Variants in FLT1 observed in about 807,000 individuals in gnomAD.
FLT1 encodes fms related receptor tyrosine kinase 1, also known as vascular endothelial growth factor receptor 1.
In FLT1, 49 loss-of-function variants were observed where a neutral mutation model predicts 156.3. The observed-to-expected ratio is 0.31, with a 90% CI of 0.25 to 0.40. FLT1 has a LOEUF of 0.40. FLT1 is among the 10% of genes least tolerant of loss of function. The pLI, the probability that FLT1 is intolerant of heterozygous loss-of-function variation, is 1.00. For missense variants in FLT1, 1,322 were observed against 1,637.2 expected (o/e 0.81, Z 3.32); for synonymous variants, 594 against 583.8 (o/e 1.02, Z -0.25).
chr13:28,332,339 T>G (rs992120428), intron 18 of FLT1, among the ~76,000 whole-genome samples: 9 of 152,148 alleles, frequency 5.9e-5, no homozygotes, highest in African/African-American at 1.9e-4. Flanking sequence ...CTTGCTGTAT[T>G]TATAGGCAGG....
At chr13:28,488,646 A>G (rs1593851853) in intron 1 of FLT1, among the ~76,000 whole-genome samples, 1 of 152,116 alleles carries the variant, frequency 6.6e-6, no homozygotes, top group South Asian at 2.1e-4. Flanking sequence ...GGGTGAGGAT[A>G]GGGAGGCACC....
chr13:28,342,970 T>TC (rs879279415), intron 16 of FLT1, among the ~76,000 whole-genome samples: 3 of 98,042 alleles, frequency 3.1e-5, no homozygotes, highest in South Asian at 3.3e-4. Context: ...CTCTCTCTCT[T>TC]TCTTTCTTTC....
intron 1 of FLT1, among the ~76,000 whole-genome samples, chr13:28,469,839 T>C (rs1469342476): frequency 1.3e-5 from 2 of 152,176 alleles, no homozygotes; most frequent in Non-Finnish European, 2.9e-5. Context: ...CTGCAACCTC[T>C]GCCTGCCAGG....
intron 12 of FLT1, among the ~76,000 whole-genome samples, chr13:28,392,510 A>C (rs1181361110): frequency 6.6e-6 from 1 of 152,188 alleles, no homozygotes; most frequent in African/African-American, 2.4e-5. Context: ...ATGAGCTCTC[A>C]TCCTGGTAGT....
intron 26 of FLT1, 128 bp from the exon 27 acceptor site, chr13:28,311,860 T>TACAC (rs375433146): frequency 5.5e-6 from 6 of 1,098,300 alleles, no homozygotes; most frequent in Non-Finnish European, 8.4e-6. Context: ...TAATTCTGTA[T>TACAC]ACACACACAC....
intron 15 of FLT1, among the ~76,000 whole-genome samples, chr13:28,355,268 A>G (rs1210812881): frequency 1.3e-5 from 2 of 152,206 alleles, no homozygotes; most frequent in African/African-American, 4.8e-5. Context: ...TGTAGATTGA[A>G]GATACTACTA....
chr13:28,373,806 C>T (rs1276492020), intron 14 of FLT1, among the ~76,000 whole-genome samples: 1 of 152,130 alleles, frequency 6.6e-6, no homozygotes, highest in African/African-American at 2.4e-5. Context: ...TCTGAGAGAT[C>T]TCTGGGATGA....
At chr13:28,470,523 G>C (rs1002743456) in intron 1 of FLT1, among the ~76,000 whole-genome samples, 1 of 152,150 alleles carries the variant, frequency 6.6e-6, no homozygotes, top group African/African-American at 2.4e-5. Flanking sequence ...AGGAAAAGAA[G>C]CAGTTCCCCT....
chr13:28,427,033 G>A, intron 10 of FLT1, 126 bp downstream of exon 10: 1 of 880,308 alleles, frequency 1.1e-6, no homozygotes, highest in South Asian at 1.4e-5. Context: ...TCCAAGGCAG[G>A]GAGAGCCTTT....
intron 18 of FLT1, among the ~76,000 whole-genome samples, chr13:28,329,957 G>A (rs1871859713): frequency 6.6e-6 from 1 of 152,214 alleles, no homozygotes; most frequent in Non-Finnish European, 1.5e-5. Flanking sequence ...GTTAGTCACT[G>A]GACATTTCCT....
intron 27 of FLT1, among the ~76,000 whole-genome samples, chr13:28,309,666 C>A (rs560099397): frequency 6.7e-6 from 1 of 149,962 alleles, no homozygotes; most frequent in South Asian, 2.2e-4. Context: ...CACCCACCCC[C>A]CCTCCCTCTC....
intron 1 of FLT1, among the ~76,000 whole-genome samples, chr13:28,494,037 C>G (rs1456111697): frequency 6.6e-6 from 1 of 152,248 alleles, no homozygotes; most frequent in African/African-American, 2.4e-5. Context: ...GACCGCGCAC[C>G]ACGCCTGCTC....
intron 1 of FLT1, among the ~76,000 whole-genome samples, chr13:28,470,474 T>A (rs965743080): frequency 6.6e-6 from 1 of 152,220 alleles, no homozygotes; most frequent in Admixed American, 6.5e-5. Flanking sequence ...CTTGTAGTTA[T>A]CTCTGTGGTC....
chr13:28,307,516 A>G (rs1195019029), intron 28 of FLT1, among the ~76,000 whole-genome samples: 1 of 152,202 alleles, frequency 6.6e-6, no homozygotes, highest in East Asian at 1.9e-4. Flanking sequence ...TTGGCCTTGA[A>G]AAAAATGTGC....
At chr13:28,480,034 T>G (rs1880751212) in intron 1 of FLT1, among the ~76,000 whole-genome samples, 1 of 152,112 alleles carries the variant, frequency 6.6e-6, no homozygotes, top group Non-Finnish European at 1.5e-5. Context: ...CCGAAGCTGC[T>G]CCCATGAAAT....
Position 28,301,411 on chromosome 13 carries a change from G to T in FLT1, c.*1756C>A, listed in dbSNP as rs572569248. ...GGCTAGTGAGTCTTCCACAAAAGCC[G>T]CTGCCAGGAGCCAGTAGGCTCACTA... On this transcript the variant is annotated 3_prime_UTR_variant, in exon 30 of 30. Coordinates refer to ENST00000282397, the MANE Select transcript of FLT1 (RefSeq NM_002019.4). 4 of 232,894 alleles carry T rather than the reference G, an allele frequency of 1.7e-5. No individual in the cohort carries two copies. The highest frequency in any genetic ancestry group is 6.6e-5 in the African/African-American group (3 of 45,300). 14.4% of individuals were successfully genotyped at this position (232,894 alleles called of 1,614,324 possible). A position where few individuals can be genotyped will look rare whatever the true frequency, so the allele number is the denominator to read the frequency against.
intron 1 of FLT1, among the ~76,000 whole-genome samples, chr13:28,472,798 T>C (rs1880248449): frequency 6.6e-6 from 1 of 152,202 alleles, no homozygotes; most frequent in African/African-American, 2.4e-5. Context: ...GAGATTAGGG[T>C]TCGGTTTTTA....
At chr13:28,479,412 G>T (rs1433565720) in intron 1 of FLT1, among the ~76,000 whole-genome samples, 1 of 152,118 alleles carries the variant, frequency 6.6e-6, no homozygotes, top group Non-Finnish European at 1.5e-5. Context: ...TGATTAAACT[G>T]TTATTTTTTA....
intron 3 of FLT1, among the ~76,000 whole-genome samples, chr13:28,449,142 G>C (rs1211184879): frequency 1.3e-5 from 2 of 152,122 alleles, no homozygotes; most frequent in African/African-American, 4.8e-5. Context: ...AATTAGCTGG[G>C]CATGGTGGTA....
Sources: allele counts gnomAD v4.1 joint callset (sites outside exome capture counted in the v4.1 genomes callset), GRCh38; gene constraint gnomAD v4.1.1; transcripts MANE v1.5; gene names NCBI Gene and HGNC (gene_info 2026-07-23, HGNC 2026-07-21).